Variants in ATXN1 observed in about 807,000 individuals in gnomAD.
The protein encoded by ATXN1 is ataxin-1.
A neutral mutation model predicts 56.4 loss-of-function variants in ATXN1; 8 were observed. The ratio of observed to expected loss-of-function variants is 0.14; its 90% CI spans 0.08 to 0.26. The LOEUF (loss-of-function observed/expected upper bound fraction) is 0.26, where lower values mean the gene tolerates loss of function less well. Among genes scored for constraint, ATXN1 ranks in the 10% least tolerant of loss-of-function variants. The pLI, the probability that ATXN1 is intolerant of heterozygous loss-of-function variation, is 1.00. For missense variants in ATXN1, 987 were observed against 1,106.5 expected (o/e 0.89, Z 1.53); for synonymous variants, 514 against 494.6 (o/e 1.04, Z -0.52).
chr6:16,658,406 C>T (rs1399817283), intron 2 of ATXN1, among the ~76,000 whole-genome samples: 2 of 152,086 alleles, frequency 1.3e-5, no homozygotes, highest in East Asian at 3.9e-4. Context: ...GAACATTTTC[C>T]ATTTTGCCCT....
chr6:16,617,612 C>T (rs1469866981), intron 3 of ATXN1, among the ~76,000 whole-genome samples: 2 of 151,702 alleles, frequency 1.3e-5, no homozygotes, highest in South Asian at 2.1e-4. Flanking sequence ...AAAACACACA[C>T]AAAAATTAGC....
chr6:16,679,915 T>C (rs1758778991), intron 2 of ATXN1, among the ~76,000 whole-genome samples: 1 of 152,226 alleles, frequency 6.6e-6, no homozygotes, highest in African/African-American at 2.4e-5. Context: ...TCCTATTGAG[T>C]TCATAATGTG....
intron 6 of ATXN1, among the ~76,000 whole-genome samples, chr6:16,358,664 T>A (rs1441512631): frequency 6.6e-6 from 1 of 152,158 alleles, no homozygotes; most frequent in Non-Finnish European, 1.5e-5. Flanking sequence ...CGAGTTGGGA[T>A]GGGAGCTCCG....
intron 3 of ATXN1, among the ~76,000 whole-genome samples, chr6:16,636,312 A>G (rs935679929): frequency 6.6e-6 from 1 of 151,696 alleles, no homozygotes; most frequent in Non-Finnish European, 1.5e-5. Flanking sequence ...ACTGAAACCT[A>G]CATTGTGTGA....
At chr6:16,690,554 A>T (rs1759023321) in intron 2 of ATXN1, among the ~76,000 whole-genome samples, 1 of 152,212 alleles carries the variant, frequency 6.6e-6, no homozygotes. Flanking sequence ...ATATGTTATA[A>T]ACCAGGGGAG....
chr6:16,513,678 C>T (rs932804493), intron 5 of ATXN1, among the ~76,000 whole-genome samples: 2 of 152,102 alleles, frequency 1.3e-5, no homozygotes, highest in Admixed American at 1.3e-4. Flanking sequence ...GGTCCTATGC[C>T]TTGCTGGTTT....
chr6:16,314,151 A>G lies in ATXN1; in HGVS notation c.1918-7292T>C, dbSNP rs116582778. Among the ~76,000 whole-genome samples the G allele has an allele frequency of 4.3e-3, 659 of 152,316 alleles. 6 individuals are homozygous for G. The highest frequency in any genetic ancestry group is 0.015 in the African/African-American group (630 of 41,554). ...ACTAATTAGTGTGAACTACCTAGAC[A>G]ATGTACTTTTTCCCCCTTGGGGTCT... On this transcript the variant is annotated intron_variant, in intron 7 of 7. Transcript: ENST00000436367.
At chr6:16,343,999 C>T (rs962757154) in intron 6 of ATXN1, among the ~76,000 whole-genome samples, 3 of 152,190 alleles carry the variant, frequency 2.0e-5, no homozygotes, top group African/African-American at 4.8e-5. Context: ...TTCTTATACT[C>T]GAGCGTGCGC....
chr6:16,464,191 A>G (rs1760054899), intron 6 of ATXN1, among the ~76,000 whole-genome samples: 1 of 152,158 alleles, frequency 6.6e-6, no homozygotes, highest in South Asian at 2.1e-4. Context: ...AAATGCACCA[A>G]TCAGGAACTT....
intron 3 of ATXN1, among the ~76,000 whole-genome samples, chr6:16,601,190 G>A (rs191214876): frequency 9.2e-5 from 14 of 152,336 alleles, no homozygotes; most frequent in East Asian, 7.7e-4. Flanking sequence ...ACGTCCCAAC[G>A]TGGCAGTGTT....
chr6:16,709,569 A>G (rs1212064033), intron 2 of ATXN1, among the ~76,000 whole-genome samples: 2 of 152,024 alleles, frequency 1.3e-5, no homozygotes, highest in Non-Finnish European at 2.9e-5. Context: ...TAAATTTTAA[A>G]AACTTAGAAC....
At chr6:16,535,600 G>T (rs897009915) in intron 4 of ATXN1, among the ~76,000 whole-genome samples, 1 of 152,174 alleles carries the variant, frequency 6.6e-6, no homozygotes, top group Non-Finnish European at 1.5e-5. Flanking sequence ...AAGAAAACAC[G>T]CATCTCTTGA....
intron 3 of ATXN1, among the ~76,000 whole-genome samples, chr6:16,624,790 G>A (rs1763379996): frequency 1.3e-5 from 2 of 152,112 alleles, no homozygotes; most frequent in Non-Finnish European, 2.9e-5. Context: ...AACTGAATAT[G>A]CCACAATTCA....
At chr6:16,757,021 G>A (rs1476724310) in intron 1 of ATXN1, among the ~76,000 whole-genome samples, 1 of 152,144 alleles carries the variant, frequency 6.6e-6, no homozygotes, top group Non-Finnish European at 1.5e-5. Context: ...ACAAAAACAG[G>A]AGTCATAGTA....
intron 3 of ATXN1, chr6:16,615,040 T>C (rs1369769948): frequency 1.3e-5 from 2 of 150,588 alleles, no homozygotes; most frequent in African/African-American, 2.4e-5. Context: ...AAAAAAATTA[T>C]TATAGACAAA....
Position 16,305,109 on chromosome 6 carries a change from TTTTG to T in ATXN1, c.*1216_*1219del, listed in dbSNP as rs1760210435. 6.5e-6 allele frequency: 1 copy of T among 152,808 alleles called. No homozygotes were observed. Among genetic ancestry groups the T allele is most frequent in the East Asian group, 1.9e-4 (1 of 5,190 alleles). The allele number at this position is 152,808 out of a possible 1,614,324, so 9.5% of individuals were successfully genotyped here. On this transcript the variant is annotated 3_prime_UTR_variant, in exon 8 of 8. Coordinates refer to ENST00000436367, the MANE Select transcript of ATXN1 (RefSeq NM_001128164.2). ...GAAAAAAAGAAAGCAACTTAGTTTT[TTTTG>T]TTTTTGTTTTTTCCCCAAAGAGTTT...
At chr6:16,312,303 G>T (rs1206867908) in intron 7 of ATXN1, among the ~76,000 whole-genome samples, 1 of 151,886 alleles carries the variant, frequency 6.6e-6, no homozygotes, top group Non-Finnish European at 1.5e-5. Flanking sequence ...CATTATTTCC[G>T]CATCTCAAAA....
intron 6 of ATXN1, among the ~76,000 whole-genome samples, chr6:16,343,846 T>G (rs540932312): frequency 2.0e-5 from 3 of 152,128 alleles, no homozygotes; most frequent in Non-Finnish European, 4.4e-5. Context: ...AACCAGTGGG[T>G]GTGGGTGGCT....
intron 6 of ATXN1, among the ~76,000 whole-genome samples, chr6:16,409,613 A>G (rs1758756698): frequency 6.7e-6 from 1 of 148,550 alleles, no homozygotes; most frequent in Non-Finnish European, 1.5e-5. Context: ...AGATCGTGCC[A>G]CTGCATTCCA....
Sources: allele counts gnomAD v4.1 joint callset (sites outside exome capture counted in the v4.1 genomes callset), GRCh38; gene constraint gnomAD v4.1.1; transcripts MANE v1.5; gene names NCBI Gene and HGNC (gene_info 2026-07-23, HGNC 2026-07-21).